Variants in ANKS1B observed in about 807,000 individuals in gnomAD.
ANKS1B encodes the protein ankyrin repeat and sterile alpha motif domain-containing protein 1B.
A neutral mutation model predicts 148.3 loss-of-function variants in ANKS1B; 36 were observed. The ratio of observed to expected loss-of-function variants is 0.24; its 90% CI spans 0.19 to 0.32. The LOEUF is 0.32. ANKS1B is among the 10% of genes least tolerant of loss of function. ANKS1B has a pLI of 1.00. For missense variants in ANKS1B, 1,157 were observed against 1,542.6 expected (o/e 0.75, Z 4.19); for synonymous variants, 542 against 560.8 (o/e 0.97, Z 0.47).
chr12:99,450,601 C>G (rs1386980915), intron 10 of ANKS1B, among the ~76,000 whole-genome samples: 1 of 152,094 alleles, frequency 6.6e-6, no homozygotes, highest in East Asian at 1.9e-4. Context: ...TTAGAAAAGA[C>G]TAAGTATCTT....
At chr12:98,987,033 G>T (rs984089477) in intron 17 of ANKS1B, among the ~76,000 whole-genome samples, 1 of 151,762 alleles carries the variant, frequency 6.6e-6, no homozygotes, top group African/African-American at 2.4e-5. Context: ...GAGTAATTTT[G>T]TTCTTGCTTT....
At chr12:99,369,103 T>C (rs955114436) in intron 12 of ANKS1B, among the ~76,000 whole-genome samples, 2 of 152,154 alleles carry the variant, frequency 1.3e-5, no homozygotes, top group African/African-American at 4.8e-5. Flanking sequence ...GACCTTGCAA[T>C]GAAGTGATCT....
chr12:99,417,411 A>G (rs187468534), intron 11 of ANKS1B, among the ~76,000 whole-genome samples: 1 of 152,312 alleles, frequency 6.6e-6, no homozygotes, highest in East Asian at 1.9e-4. Flanking sequence ...CTAAGTGTCT[A>G]TCCCTTCACT....
chr12:98,875,611 G>A (rs1057435612), intron 17 of ANKS1B, among the ~76,000 whole-genome samples: 3 of 152,108 alleles, frequency 2.0e-5, no homozygotes, highest in African/African-American at 7.2e-5. Context: ...TGTTTCTTTA[G>A]TTTGTTTATC....
At chr12:99,907,504 C>G (rs2093828424) in intron 1 of ANKS1B, among the ~76,000 whole-genome samples, 2 of 152,118 alleles carry the variant, frequency 1.3e-5, no homozygotes, top group Non-Finnish European at 2.9e-5. Flanking sequence ...TTGAATCATT[C>G]CAGTTCTCTA....
chr12:99,512,087 T>C (rs935232540), intron 9 of ANKS1B, among the ~76,000 whole-genome samples: 8 of 151,982 alleles, frequency 5.3e-5, no homozygotes, highest in African/African-American at 1.9e-4. Context: ...TTAAAAAGCT[T>C]CTACACAGCA....
intron 17 of ANKS1B, among the ~76,000 whole-genome samples, chr12:98,870,473 C>T (rs2152371832): frequency 6.6e-6 from 1 of 152,334 alleles, no homozygotes; most frequent in Middle Eastern, 3.4e-3. Context: ...TCCTCCCTCC[C>T]TCACCCTTTT....
intron 5 of ANKS1B, 47 bp from the exon 6 acceptor site, chr12:99,780,019 C>T: frequency 5.7e-6 from 7 of 1,237,586 alleles, no homozygotes; most frequent in Non-Finnish European, 8.2e-6. Flanking sequence ...CTGAAGTATC[C>T]TCAAAAGATA....
chr12:99,153,568 C>T (rs1361857114), intron 15 of ANKS1B, among the ~76,000 whole-genome samples: 4 of 152,114 alleles, frequency 2.6e-5, no homozygotes, highest in Admixed American at 1.3e-4. Context: ...ATATGCAAAA[C>T]GGTGGAAAGT....
At chr12:99,716,722 C>G (rs2057380092) in intron 8 of ANKS1B, among the ~76,000 whole-genome samples, 1 of 152,080 alleles carries the variant, frequency 6.6e-6, no homozygotes, top group African/African-American at 2.4e-5. Flanking sequence ...GTCTCTGTTC[C>G]CAATGCAAAT....
chr12:99,835,152 C>T (rs894076409), intron 1 of ANKS1B, among the ~76,000 whole-genome samples: 3 of 150,292 alleles, frequency 2.0e-5, no homozygotes, highest in Non-Finnish European at 4.4e-5. Context: ...TGGCTCACAC[C>T]TGTAATCGCA....
At chr12:99,064,805 A>T (rs1294924275) in intron 16 of ANKS1B, among the ~76,000 whole-genome samples, 2 of 152,164 alleles carry the variant, frequency 1.3e-5, no homozygotes, top group African/African-American at 4.8e-5. Flanking sequence ...GGGTTGAATT[A>T]TTTTATTGAA....
intron 16 of ANKS1B, among the ~76,000 whole-genome samples, chr12:99,054,325 A>C (rs1401979068): frequency 6.6e-6 from 1 of 152,204 alleles, no homozygotes; most frequent in Admixed American, 6.5e-5. Context: ...ATATTAATGG[A>C]AATTTATATG....
intron 9 of ANKS1B, among the ~76,000 whole-genome samples, chr12:99,644,889 T>C (rs560704207): frequency 6.6e-6 from 1 of 152,268 alleles, no homozygotes; most frequent in South Asian, 2.1e-4. Context: ...CTTTGGTCCA[T>C]GGCTGCACCA....
At chr12:99,010,897 TTTTG>T (rs200267286) in intron 17 of ANKS1B, among the ~76,000 whole-genome samples, 2,420 of 118,228 alleles carry the variant, frequency 0.02, 105 homozygotes, top group African/African-American at 0.082. Context: ...AGGTGTGAGC[TTTTG>T]TTTTTTTTTT....
intron 10 of ANKS1B, among the ~76,000 whole-genome samples, chr12:99,456,730 T>G (rs1450344733): frequency 6.6e-6 from 1 of 152,084 alleles, no homozygotes; most frequent in Non-Finnish European, 1.5e-5. Flanking sequence ...AAAGAAAATT[T>G]TTTTTTTAAA....
chr12:99,887,566 G>A (rs960243815), intron 1 of ANKS1B, among the ~76,000 whole-genome samples: 7 of 152,014 alleles, frequency 4.6e-5, no homozygotes, highest in Admixed American at 2.6e-4. Context: ...CAAACATTTA[G>A]GTTTACTTCC....
chr12:99,703,558 C>T (rs2055222266), intron 8 of ANKS1B, among the ~76,000 whole-genome samples: 1 of 152,008 alleles, frequency 6.6e-6, no homozygotes, highest in Non-Finnish European at 1.5e-5. Flanking sequence ...CCACCCCTCC[C>T]TCCTTATTCA....
intron 9 of ANKS1B, among the ~76,000 whole-genome samples, chr12:99,591,087 T>A (rs2097698543): frequency 6.6e-6 from 1 of 152,118 alleles, no homozygotes; most frequent in African/African-American, 2.4e-5. Flanking sequence ...GGTATTGTGC[T>A]GTGTACCCAG....
Sources: allele counts gnomAD v4.1 joint callset (sites outside exome capture counted in the v4.1 genomes callset), GRCh38; gene constraint gnomAD v4.1.1; transcripts MANE v1.5; gene names NCBI Gene and HGNC (gene_info 2026-07-23, HGNC 2026-07-21).